The following STK33 variants were observed in gnomAD, a reference collection of about 807,000 sequenced individuals.
The protein encoded by STK33 is serine/threonine-protein kinase 33.
A neutral mutation model predicts 58.0 loss-of-function variants in STK33; 52 were observed. The ratio of observed to expected loss-of-function variants is 0.90; its 90% CI spans 0.72 to 1.13. The LOEUF (loss-of-function observed/expected upper bound fraction) is 1.13, where lower values mean the gene tolerates loss of function less well. Among genes scored for constraint, STK33 ranks in the 50% most tolerant of loss-of-function variants. The pLI is 0.00. For synonymous variants in STK33, 215 were observed against 200.1 expected (o/e 1.07, Z -0.63); for missense variants, 630 against 604.2 (o/e 1.04, Z -0.45).
In STK33 at chr11:8,464,828, G is replaced by GGAAAAAAA; in HGVS notation, c.340-7_340-6insTTTTTTTC. The GGAAAAAAA allele has an allele frequency of 8.7e-7, 1 of 1,143,858 alleles. No homozygotes were observed. Among genetic ancestry groups the GGAAAAAAA allele is most frequent in the Non-Finnish European group, 1.2e-6 (1 of 822,390 alleles). The allele number at this position is 1,143,858 out of a possible 1,614,324, so 70.9% of individuals were successfully genotyped here. On this transcript the variant is annotated splice_region_variant and splice_polypyrimidine_tract_variant and intron_variant, in intron 6 of 15. Transcript: ENST00000687296. ...CTTCCAAAGGTATAGATTTCCTGGA[G>GGAAAAAAA]AAAAAAAAAAAAAGAGTTGTCTCTC...
intron 1 of STK33, among the ~76,000 whole-genome samples, chr11:8,505,634 T>C (rs549645208): frequency 2.0e-5 from 3 of 152,354 alleles, no homozygotes; most frequent in South Asian, 4.1e-4. Context: ...ACAGCGTTAG[T>C]CACACTCTGT....
At chr11:8,351,944 C>T in the STK33 span, among the ~76,000 whole-genome samples, 4 of 152,206 alleles carry the variant, frequency 2.6e-5, no homozygotes, top group South Asian at 2.1e-4. Flanking sequence ...AAATCCTCAG[C>T]GGCGCTCACG....
At position 8,450,477 on chromosome 11, in the gene STK33, G is replaced by A. The variant is rs191736615; in HGVS notation, c.871+2345C>T. Among the ~76,000 whole-genome samples, 5 of 152,074 alleles carry A rather than the reference G, an allele frequency of 3.3e-5. No homozygotes were observed. The East Asian group carries it at 9.7e-4, about 29-fold the overall frequency. On this transcript the variant is annotated intron_variant, in intron 11 of 15. Coordinates refer to ENST00000687296, the MANE Select transcript of STK33 (RefSeq NM_001352389.2). ...TGTAGATGATGGGTTGATAGGTGCA[G>A]CAAACCACCATGGCACATGTATACC...
intron 1 of STK33, among the ~76,000 whole-genome samples, chr11:8,521,671 C>A (rs1285811207): frequency 6.6e-6 from 1 of 152,068 alleles, no homozygotes; most frequent in African/African-American, 2.4e-5. Context: ...AAAGAAACTA[C>A]CCTCAGAGTG....
intron 15 of STK33, among the ~76,000 whole-genome samples, chr11:8,412,966 A>G (rs184667419): frequency 4.8e-4 from 73 of 152,338 alleles, no homozygotes; most frequent in Non-Finnish European, 9.3e-4. Context: ...CTATATAAAA[A>G]GTTTTTGTTA....
At chr11:8,563,918 G>A (rs1957278189) in intron 1 of STK33, among the ~76,000 whole-genome samples, 1 of 152,120 alleles carries the variant, frequency 6.6e-6, no homozygotes, top group Non-Finnish European at 1.5e-5. Context: ...AAAGGGACCA[G>A]TATGGCTGAA....
In STK33 at chr11:8,461,806, T is replaced by C. The variant is rs1312585042; in HGVS notation, c.557A>G (p.Lys186Arg). 6 of 1,577,610 alleles carry C rather than the reference T, an allele frequency of 3.8e-6. No homozygotes were observed. The highest frequency in any genetic ancestry group is 5.1e-6 in the Non-Finnish European group (6 of 1,165,816). ...ATGCAGCGCCTAATAGAGGTTTACC[T>C]TTGGCGTTTCAAATACTTGTTCCAG... ...IHLEQVFETPKKMYLVMELCE... is the reference protein window; with the variant it reads ...IHLEQVFETPRKMYLVMELCE... The change falls in exon 8 of 16, where the codon AAG (lysine) becomes AGG (arginine). Residue 186 changes from lysine (K) to arginine (R), a missense_variant and splice_region_variant. Physicochemically the swap from Lys to Arg is conservative, Grantham distance 26 (BLOSUM62 2). Coordinates refer to ENST00000687296, the MANE Select transcript of STK33 (RefSeq NM_001352389.2).
At chr11:8,388,112 G>A (rs148252001), downstream of STK33, among the ~76,000 whole-genome samples, 10 of 152,338 alleles carry the variant, frequency 6.6e-5, no homozygotes, top group Admixed American at 2.6e-4. Context: ...CCTGATGCAT[G>A]TTTGGAGGAG....
At chr11:8,561,090 T>C (rs1957082566) in intron 1 of STK33, among the ~76,000 whole-genome samples, 1 of 152,204 alleles carries the variant, frequency 6.6e-6, no homozygotes, top group Admixed American at 6.6e-5. Context: ...ACAACGCAGT[T>C]ATTCAGACTT....
intron 15 of STK33, among the ~76,000 whole-genome samples, chr11:8,396,554 G>A (rs1029670674): frequency 6.6e-6 from 1 of 152,218 alleles, no homozygotes; most frequent in Admixed American, 6.5e-5. Context: ...CGTGAGTGAC[G>A]CAGAAGATGG....
rs936275480 is a variant in STK33 at position 8,440,691 on chromosome 11, C to T, written c.934G>A (p.Val312Ile). The change falls in exon 12 of 16, where the codon GTA becomes ATA. Residue 312 changes from valine to isoleucine, a missense_variant. Coordinates refer to ENST00000687296, the MANE Select transcript of STK33 (RefSeq NM_001352389.2). ...CAGGCTACTTACAACATGTACATTA[C>T]GACGCCTATGCTCCAAATGTCACAC... ...QQCDIWSIGV[V>I]MYMLLRGEPP... 37 of 1,565,258 alleles carry T rather than the reference C, an allele frequency of 2.4e-5. No homozygotes were observed. Among genetic ancestry groups the T allele is most frequent in the African/African-American group, 4.1e-5 (3 of 73,974 alleles).
chr11:8,367,326 A>G, the STK33 span, among the ~76,000 whole-genome samples: 1 of 152,224 alleles, frequency 6.6e-6, no homozygotes, highest in Non-Finnish European at 1.5e-5. Context: ...GTGGGTATAC[A>G]TTGTGTATAT....
chr11:8,518,173 TG>T (rs1177318594), intron 1 of STK33, among the ~76,000 whole-genome samples: 12 of 151,976 alleles, frequency 7.9e-5, no homozygotes, highest in African/African-American at 2.7e-4. Context: ...CAGAAGAGAG[TG>T]GGGGCAAATA....
At chr11:8,377,140 C>T in the STK33 span, among the ~76,000 whole-genome samples, 1 of 152,218 alleles carries the variant, frequency 6.6e-6, no homozygotes, top group African/African-American at 2.4e-5. Context: ...TCAACCAAGA[C>T]ACAGCCAAAG....
intron 1 of STK33, among the ~76,000 whole-genome samples, chr11:8,560,595 G>T (rs1957054110): frequency 6.6e-6 from 1 of 151,876 alleles, no homozygotes; most frequent in African/African-American, 2.4e-5. Flanking sequence ...TTTCTTTTGT[G>T]GTCACTAGGT....
intron 1 of STK33, among the ~76,000 whole-genome samples, chr11:8,499,748 G>T (rs1045374840): frequency 1.3e-5 from 2 of 152,028 alleles, no homozygotes; most frequent in East Asian, 1.9e-4. Context: ...CCATAAAAAA[G>T]GATGAGTTCA....
At chr11:8,510,717 T>C (rs1343727433) in intron 1 of STK33, among the ~76,000 whole-genome samples, 1 of 152,204 alleles carries the variant, frequency 6.6e-6, no homozygotes, top group Non-Finnish European at 1.5e-5. Flanking sequence ...TTCTTCTACA[T>C]GTGGCTTGCC....
intron 1 of STK33, among the ~76,000 whole-genome samples, chr11:8,521,524 T>A (rs1369035721): frequency 2.6e-5 from 4 of 152,132 alleles, no homozygotes; most frequent in African/African-American, 9.7e-5. Flanking sequence ...ATAAAAACCC[T>A]AGAAGAAAAC....
At chr11:8,360,339 T>C in the STK33 span, among the ~76,000 whole-genome samples, 1 of 152,218 alleles carries the variant, frequency 6.6e-6, no homozygotes, top group Admixed American at 6.5e-5. Flanking sequence ...CTCCCGGGCC[T>C]GCACTTCCTC....
Sources: allele counts gnomAD v4.1 joint callset (sites outside exome capture counted in the v4.1 genomes callset), GRCh38; gene constraint gnomAD v4.1.1; transcripts MANE v1.5; gene names NCBI Gene and HGNC (gene_info 2026-07-23, HGNC 2026-07-21).